Variants in PRKD1 observed in about 807,000 individuals in gnomAD.
PRKD1 encodes the protein protein kinase D1.
PRKD1 carries 63 observed loss-of-function variants against 95.9 expected under a neutral mutation model. The observed-to-expected ratio is 0.66, with a 90% CI of 0.54 to 0.81. The LOEUF (loss-of-function observed/expected upper bound fraction) is 0.81, where lower values mean the gene tolerates loss of function less well. Among genes scored for constraint, PRKD1 ranks in the 30% least tolerant of loss-of-function variants. The pLI, the probability that PRKD1 is intolerant of heterozygous loss-of-function variation, is 0.00. For synonymous variants in PRKD1, 425 were observed against 423.1 expected (o/e 1.00, Z -0.05); for missense variants, 1,048 against 1,165.3 (o/e 0.90, Z 1.47).
chr14:29,620,576 T>A (rs554549577), intron 13 of PRKD1, among the ~76,000 whole-genome samples: 21 of 148,058 alleles, frequency 1.4e-4, no homozygotes, highest in African/African-American at 5.2e-4. Context: ...CATGAAAAAA[T>A]GCTCATCATC....
At chr14:29,638,078 A>AT (rs796418866) in intron 6 of PRKD1, among the ~76,000 whole-genome samples, 89 of 150,976 alleles carry the variant, frequency 5.9e-4, no homozygotes, top group East Asian at 1.6e-3. Flanking sequence ...AAATACATCT[A>AT]TTTTTTTTTG....
intron 13 of PRKD1, among the ~76,000 whole-genome samples, chr14:29,621,445 C>A (rs910732438): frequency 2.3e-4 from 35 of 151,436 alleles, no homozygotes; most frequent in African/African-American, 8.2e-4. Flanking sequence ...CCTTTCCTTT[C>A]CTTTCCTTCT....
chr14:29,592,649 T>C (rs970530002), intron 16 of PRKD1: 3 of 152,178 alleles, frequency 2.0e-5, no homozygotes, highest in African/African-American at 7.2e-5. Flanking sequence ...AATATAGACA[T>C]GCCAATCACT....
intron 10 of PRKD1, 140 bp downstream of exon 10, chr14:29,630,602 C>T: frequency 9.5e-7 from 1 of 1,048,474 alleles, no homozygotes. Flanking sequence ...TATTTAGACA[C>T]CCTACATTCT....
chr14:29,780,812 T>A (rs1368820946), intron 1 of PRKD1, among the ~76,000 whole-genome samples: 1 of 152,158 alleles, frequency 6.6e-6, no homozygotes, highest in Non-Finnish European at 1.5e-5. Flanking sequence ...GGATTATAAA[T>A]CATGCTGCTA....
chr14:29,690,888 T>C (rs147534558), intron 2 of PRKD1, among the ~76,000 whole-genome samples: 2 of 152,170 alleles, frequency 1.3e-5, no homozygotes, highest in Non-Finnish European at 2.9e-5. Context: ...TTCATTGGAC[T>C]TCTCTTAACT....
At chr14:29,689,159 TC>T (rs1884080045) in intron 2 of PRKD1, among the ~76,000 whole-genome samples, 1 of 151,478 alleles carries the variant, frequency 6.6e-6, no homozygotes, top group Admixed American at 6.6e-5. Flanking sequence ...AAAGAAACTA[TC>T]ATCAGAGTGA....
chr14:29,742,220 T>A (rs1887010280), intron 1 of PRKD1, among the ~76,000 whole-genome samples: 2 of 152,178 alleles, frequency 1.3e-5, no homozygotes, highest in African/African-American at 4.8e-5. Context: ...AAAAATGCTG[T>A]AGCATGCAGG....
intron 2 of PRKD1, among the ~76,000 whole-genome samples, chr14:29,717,818 G>C (rs909970283): frequency 6.6e-6 from 1 of 152,068 alleles, no homozygotes; most frequent in African/African-American, 2.4e-5. Context: ...TCACTTCCGG[G>C]TTTGTCTTAT....
chr14:29,624,398 A>C (rs1208644620), intron 12 of PRKD1, 140 bp from the exon 13 acceptor site: 1 of 448,234 alleles, frequency 2.2e-6, no homozygotes, highest in African/African-American at 2.1e-5. Context: ...GCACTGACTT[A>C]CATATATATA....
intron 16 of PRKD1, chr14:29,592,661 T>G (rs1594344881): frequency 6.6e-6 from 1 of 152,266 alleles, no homozygotes; most frequent in East Asian, 1.9e-4. Flanking sequence ...CCAATCACTG[T>G]GCTAAGCAGT....
chr14:29,749,424 G>C (rs1403236160), intron 1 of PRKD1, among the ~76,000 whole-genome samples: 1 of 152,182 alleles, frequency 6.6e-6, no homozygotes, highest in African/African-American at 2.4e-5. Flanking sequence ...GTGTGTGCCT[G>C]TGCTGGGGAC....
At chr14:29,878,849 T>C (rs1257527889) in intron 1 of PRKD1, among the ~76,000 whole-genome samples, 1 of 152,166 alleles carries the variant, frequency 6.6e-6, no homozygotes, top group Non-Finnish European at 1.5e-5. Flanking sequence ...ATGGTGAGAA[T>C]ATATTTAATA....
intron 13 of PRKD1, among the ~76,000 whole-genome samples, chr14:29,609,712 T>C (rs1464922080): frequency 9.9e-6 from 1 of 100,594 alleles, no homozygotes; most frequent in Non-Finnish European, 1.9e-5. Flanking sequence ...AGCTATTTCT[T>C]TATTTTTTTT....
At chr14:29,693,806 ACAGACT>A (rs1344188709) in intron 2 of PRKD1, among the ~76,000 whole-genome samples, 1 of 151,902 alleles carries the variant, frequency 6.6e-6, no homozygotes, top group Non-Finnish European at 1.5e-5. Flanking sequence ...ATTATCACTC[ACAGACT>A]GTTACCCAGA....
intron 1 of PRKD1, among the ~76,000 whole-genome samples, chr14:29,869,466 A>C (rs376529118): frequency 1.3e-5 from 2 of 152,126 alleles, no homozygotes; most frequent in South Asian, 4.1e-4. Context: ...AGAAGAAAGA[A>C]AGAAATATTT....
chr14:29,766,339 G>A (rs991004418), intron 1 of PRKD1, among the ~76,000 whole-genome samples: 1 of 152,126 alleles, frequency 6.6e-6, no homozygotes, highest in African/African-American at 2.4e-5. Context: ...TTCTCAACCA[G>A]CAAATCCATG....
chr14:29,735,331 T>G (rs1047880091), intron 1 of PRKD1, among the ~76,000 whole-genome samples: 1 of 152,202 alleles, frequency 6.6e-6, no homozygotes, highest in African/African-American at 2.4e-5. Context: ...TGGGTGGAAC[T>G]TTAATTAACA....
chr14:29,656,567 AAAC>A (rs1387341393), intron 4 of PRKD1: 15 of 1,469,860 alleles, frequency 1.0e-5, no homozygotes, highest in Non-Finnish European at 1.2e-5. Flanking sequence ...AAAGACAGGA[AAAC>A]AACGTTATTG....
Sources: allele counts gnomAD v4.1 joint callset (sites outside exome capture counted in the v4.1 genomes callset), GRCh38; gene constraint gnomAD v4.1.1; transcripts MANE v1.5; gene names NCBI Gene and HGNC (gene_info 2026-07-23, HGNC 2026-07-21).